Variants in GLMN observed in about 807,000 individuals in gnomAD.
GLMN encodes the protein glomulin.
In GLMN, 75 loss-of-function variants were observed where a neutral mutation model predicts 87.8. That is an observed-to-expected ratio of 0.85 (90% CI 0.71 to 1.04). The LOEUF (loss-of-function observed/expected upper bound fraction) is 1.04. GLMN is among the 50% of genes least tolerant of loss of function. The pLI is 0.00. For missense variants in GLMN, 588 were observed against 658.8 expected, an observed-to-expected ratio of 0.89 and a Z score of 1.18; for synonymous variants, 206 against 221.6, an observed-to-expected ratio of 0.93 and a Z score of 0.63.
chr1:92,294,688 T>C (rs948718295), intron 3 of GLMN, among the ~76,000 whole-genome samples: 13 of 152,112 alleles, frequency 8.5e-5, no homozygotes, highest in Admixed American at 6.5e-5. Flanking sequence ...TTTTTTGTTG[T>C]TGTTGTTGTT....
At chr1:92,253,957 T>A (rs1009085240) in intron 16 of GLMN, among the ~76,000 whole-genome samples, 8 of 152,060 alleles carry the variant, frequency 5.3e-5, no homozygotes, top group Non-Finnish European at 1.0e-4. Context: ...AGTTGAGTAA[T>A]AACAAACTCC....
chr1:92,303,730 C>T (rs914294788), upstream of GLMN, among the ~76,000 whole-genome samples: 1 of 152,116 alleles, frequency 6.6e-6, no homozygotes, highest in Non-Finnish European at 1.5e-5. Flanking sequence ...ATATAATCTA[C>T]AAAGATGCAG....
intron 16 of GLMN, among the ~76,000 whole-genome samples, chr1:92,251,651 T>TTTC (rs1653509413): frequency 6.6e-6 from 1 of 152,182 alleles, no homozygotes; most frequent in Non-Finnish European, 1.5e-5. Context: ...AGCCACAGAC[T>TTTC]GGAATATTTG....
At chr1:92,290,371 T>A in intron 4 of GLMN, 65 bp from the exon 5 acceptor site, 2 of 964,494 alleles carry the variant, frequency 2.1e-6, no homozygotes, top group Non-Finnish European at 3.4e-6. Context: ...ATTATTACTA[T>A]TTTTAAGAAG....
chr1:92,286,226 G>A (rs951539422), intron 7 of GLMN, among the ~76,000 whole-genome samples: 168 of 150,272 alleles, frequency 1.1e-3, no homozygotes, highest in African/African-American at 4.0e-3. Context: ...TAGATTACAA[G>A]ATTATATATA....
the GLMN span, among the ~76,000 whole-genome samples, chr1:92,349,365 C>T: frequency 1.3e-5 from 2 of 152,136 alleles, no homozygotes; most frequent in East Asian, 3.8e-4. Flanking sequence ...AAGCTGTTTT[C>T]AGAATTCCTC....
At chr1:92,356,092 T>G in the GLMN span, among the ~76,000 whole-genome samples, 1 of 152,170 alleles carries the variant, frequency 6.6e-6, no homozygotes, top group Non-Finnish European at 1.5e-5. Context: ...TCACTCCAAC[T>G]GTGGGCCTTT....
the GLMN span, among the ~76,000 whole-genome samples, chr1:92,312,098 C>T: frequency 1.2e-4 from 19 of 152,200 alleles, no homozygotes; most frequent in African/African-American, 4.6e-4. Flanking sequence ...GCATTTTACC[C>T]ACAGCAGAAC....
Position 92,286,501 on chromosome 1 carries a change from A to G in GLMN, c.724T>C (p.Ser242Pro). ...TTAGCTGTACTTACTATTATTTCTG[A>G]TGCAAAATACCTGAAAGGATCATTT... is the stretch of plus-strand genomic sequence containing the variant. The part of the protein sequence containing the change: ...GGNDPFRYFA[S>P]EIIGFLSAIG... The change falls in exon 7 of 19, where the codon TCA becomes CCA. Residue 242 changes from serine to proline, a missense_variant. Coordinates refer to ENST00000370360, the MANE Select transcript of GLMN (RefSeq NM_053274.3). The G allele has an allele frequency of 6.6e-7, 1 of 1,522,926 alleles. No homozygotes were observed. The highest frequency in any genetic ancestry group is 9.1e-7 in the Non-Finnish European group (1 of 1,097,020). 94.3% of individuals were successfully genotyped at this position (1,522,926 alleles called of 1,614,324 possible). A position where few individuals can be genotyped will look rare whatever the true frequency, so the allele number is the denominator to read the frequency against.
At chr1:92,341,288 C>T in the GLMN span, among the ~76,000 whole-genome samples, 1 of 152,136 alleles carries the variant, frequency 6.6e-6, no homozygotes, top group African/African-American at 2.4e-5. Flanking sequence ...GTATTACAGG[C>T]ATGAGCCACC....
At chr1:92,316,267 G>A in the GLMN span, among the ~76,000 whole-genome samples, 2 of 152,012 alleles carry the variant, frequency 1.3e-5, no homozygotes, top group African/African-American at 4.8e-5. Flanking sequence ...TCAGAGGTGC[G>A]GAAGCCAAAA....
chr1:92,287,695 A>G (rs547565812), intron 6 of GLMN, among the ~76,000 whole-genome samples: 1 of 152,196 alleles, frequency 6.6e-6, no homozygotes, highest in Non-Finnish European at 1.5e-5. Flanking sequence ...AAATAGTATT[A>G]GTCTCCAAAA....
At chr1:92,299,869 A>T (rs1392069481), upstream of GLMN, among the ~76,000 whole-genome samples, 1 of 152,154 alleles carries the variant, frequency 6.6e-6, no homozygotes, top group Non-Finnish European at 1.5e-5. Context: ...TACTGCCACC[A>T]TGTGTAGCTT....
intron 16 of GLMN, among the ~76,000 whole-genome samples, chr1:92,250,736 C>T (rs1653365136): frequency 6.6e-6 from 1 of 152,144 alleles, no homozygotes; most frequent in South Asian, 2.1e-4. Flanking sequence ...AAGATTTTTA[C>T]ATAATCAGTG....
chr1:92,307,918 A>G, the GLMN span, among the ~76,000 whole-genome samples: 1 of 152,200 alleles, frequency 6.6e-6, no homozygotes, highest in South Asian at 2.1e-4. Flanking sequence ...AGAAATTCCA[A>G]TGAAATGCTT....
At chr1:92,326,647 G>C in the GLMN span, among the ~76,000 whole-genome samples, 1 of 152,186 alleles carries the variant, frequency 6.6e-6, no homozygotes, top group South Asian at 2.1e-4. Flanking sequence ...TGTTGTGGGG[G>C]ATGGGAGTGT....
intron 3 of GLMN, among the ~76,000 whole-genome samples, chr1:92,295,953 T>C (rs1649996686): frequency 6.6e-6 from 1 of 152,034 alleles, no homozygotes; most frequent in African/African-American, 2.4e-5. Context: ...TAGAAAAAAA[T>C]CAAGAAGAGT....
chr1:92,340,463 A>G, the GLMN span, among the ~76,000 whole-genome samples: 1 of 152,188 alleles, frequency 6.6e-6, no homozygotes, highest in African/African-American at 2.4e-5. Flanking sequence ...GAGTTGACAT[A>G]AATAACCATA....
chr1:92,261,215 T>C (rs1655005945), intron 16 of GLMN, among the ~76,000 whole-genome samples: 1 of 152,262 alleles, frequency 6.6e-6, no homozygotes, highest in African/African-American at 2.4e-5. Context: ...TTCTGGCCAC[T>C]GCCTGGGGTC....
Sources: gnomAD v4.1 joint callset for allele counts (sites outside exome capture counted in the v4.1 genomes callset) on GRCh38, gnomAD v4.1.1 for gene constraint, MANE v1.5 for transcripts, NCBI Gene and HGNC (gene_info 2026-07-23, HGNC 2026-07-21) for gene names.